The following PSD2 variants were observed in gnomAD, a reference collection of about 807,000 sequenced individuals.
The protein encoded by PSD2 is pleckstrin and Sec7 domain containing 2.
Under a neutral mutation model 69.8 loss-of-function variants are expected in PSD2, and 38 were observed. The observed-to-expected ratio is 0.54, with a 90% CI of 0.42 to 0.71. The LOEUF (loss-of-function observed/expected upper bound fraction) is 0.71. PSD2 is among the 30% of genes least tolerant of loss of function. The pLI, the probability that PSD2 is intolerant of heterozygous loss-of-function variation, is 0.00. For missense variants in PSD2, 943 were observed against 1,014.5 expected, an observed-to-expected ratio of 0.93 and a Z score of 0.96; for synonymous variants, 412 against 423.0, an observed-to-expected ratio of 0.97 and a Z score of 0.32.
chr5:139,833,928 C>T (rs1021201525), intron 8 of PSD2, 137 bp downstream of exon 8: 1 of 698,712 alleles, frequency 1.4e-6, no homozygotes, highest in Non-Finnish European at 2.6e-6. Flanking sequence ...AAGTTAGAAA[C>T]CACTGAGCTC....
At chr5:139,826,667 G>GT (rs1280502858) in intron 7 of PSD2, among the ~76,000 whole-genome samples, 4 of 152,162 alleles carry the variant, frequency 2.6e-5, no homozygotes, top group African/African-American at 4.8e-5. Flanking sequence ...CACAAAAAAC[G>GT]TAACACCCAC....
At chr5:139,767,141 C>T in the PSD2 span, among the ~76,000 whole-genome samples, 26 of 151,424 alleles carry the variant, frequency 1.7e-4, no homozygotes, top group African/African-American at 5.3e-4. Flanking sequence ...TACAGGCACC[C>T]GCCACCTTGC....
chr5:139,838,292 G>GCAGGAGGT (rs900555303), intron 12 of PSD2, among the ~76,000 whole-genome samples: 6 of 152,140 alleles, frequency 3.9e-5, no homozygotes, highest in Non-Finnish European at 8.8e-5. Context: ...GGGCAGGAGG[G>GCAGGAGGT]CTGTGGGGGT....
In PSD2 at chr5:139,844,142, A is replaced by G. The variant is rs1289324948; in HGVS notation, c.*1668A>G. On this transcript the variant is annotated 3_prime_UTR_variant, in exon 15 of 15. Coordinates refer to ENST00000274710, the MANE Select transcript of PSD2 (RefSeq NM_032289.4). ...ATTGAAAACGCCATGTGGCACCACA[A>G]AAGAGCTCTCTGTACTTTCCCCATG... 1 of 152,230 alleles carries G rather than the reference A, an allele frequency of 6.6e-6. No homozygotes were observed. The highest frequency in any genetic ancestry group is 1.5e-5 in the Non-Finnish European group (1 of 68,042). 9.4% of individuals were successfully genotyped at this position (152,230 alleles called of 1,614,324 possible).
At chr5:139,792,481 T>C (rs1759430911), upstream of PSD2, among the ~76,000 whole-genome samples, 1 of 151,464 alleles carries the variant, frequency 6.6e-6, no homozygotes, top group Non-Finnish European at 1.5e-5. Context: ...GGCCAGGCGG[T>C]AAACCATGGG....
chr5:139,766,917 CTTCCTTCCTTCCCTT>C, the PSD2 span, among the ~76,000 whole-genome samples: 1 of 29,706 alleles, frequency 3.4e-5, no homozygotes, highest in Non-Finnish European at 7.4e-5. Context: ...CCCTTCCTTC[CTTCCTTCCTTCCCTT>C]CTTTCTTTCT....
chr5:139,803,651 C>T (rs577181281), intron 1 of PSD2, among the ~76,000 whole-genome samples: 4 of 152,348 alleles, frequency 2.6e-5, no homozygotes, highest in East Asian at 3.9e-4. Flanking sequence ...CCCACTCTCC[C>T]GGACTGTCCC....
chr5:139,768,720 T>C, the PSD2 span, among the ~76,000 whole-genome samples: 1 of 137,458 alleles, frequency 7.3e-6, no homozygotes, highest in Non-Finnish European at 1.5e-5. Context: ...CAAAACTCCA[T>C]CTAAAAAAAA....
chr5:139,771,426 T>G, the PSD2 span, among the ~76,000 whole-genome samples: 1 of 152,108 alleles, frequency 6.6e-6, no homozygotes, highest in South Asian at 2.1e-4. Context: ...TCGCCCAGGC[T>G]GGAGTGCAGT....
chr5:139,807,803 C>G (rs1759850075), intron 1 of PSD2, among the ~76,000 whole-genome samples: 1 of 152,214 alleles, frequency 6.6e-6, no homozygotes. Context: ...TCCCCAGGCT[C>G]TTGTTCTCTA....
rs1331955140 is a variant in PSD2, at chr5:139,836,887, C to T, written c.1480C>T (p.Arg494Ter). ...CGGGACAGGCACGAAGAAGGTGACG[C>T]GAATCCTGGATGGTGGCAACCCCTT... is the stretch of plus-strand genomic sequence containing the variant. ...KFGTGTKKVT[R>*]ILDGGNPFLD... The change falls in exon 10 of 15, where the codon CGA becomes TGA. Residue 494 changes from arginine (R) to a stop codon, truncating the protein, a stop_gained. Transcript: ENST00000274710. LOFTEE classifies it high-confidence loss of function. The T allele has an allele frequency of 2.5e-6, 4 of 1,614,074 alleles. No homozygotes were observed. Among genetic ancestry groups the T allele is most frequent in the Non-Finnish European group, 3.4e-6 (4 of 1,180,034 alleles).
intron 7 of PSD2, among the ~76,000 whole-genome samples, chr5:139,830,788 G>T (rs1355708037): frequency 7.1e-6 from 1 of 141,094 alleles, no homozygotes; most frequent in East Asian, 2.0e-4. Flanking sequence ...CCAAAGTGCT[G>T]GGATTACAGG....
chr5:139,766,998 CTTCT>C, the PSD2 span, among the ~76,000 whole-genome samples: 4 of 82,734 alleles, frequency 4.8e-5, no homozygotes, highest in East Asian at 7.3e-4. Flanking sequence ...TCTTTCTTTC[CTTCT>C]TTCTTTCTTT....
At chr5:139,832,470 G>C (rs946681792) in intron 7 of PSD2, among the ~76,000 whole-genome samples, 1 of 152,228 alleles carries the variant, frequency 6.6e-6, no homozygotes, top group Non-Finnish European at 1.5e-5. Flanking sequence ...TGTGGTGTGT[G>C]AATGTCCCAC....
chr5:139,770,399 T>C, the PSD2 span, among the ~76,000 whole-genome samples: 1 of 151,848 alleles, frequency 6.6e-6, no homozygotes, highest in Non-Finnish European at 1.5e-5. Flanking sequence ...TCTACTAAAA[T>C]ACAAAAATTA....
upstream of PSD2, among the ~76,000 whole-genome samples, chr5:139,791,126 T>C (rs915303386): frequency 6.6e-6 from 1 of 152,060 alleles, no homozygotes; most frequent in Non-Finnish European, 1.5e-5. Flanking sequence ...AGAAGGTGGA[T>C]ACCTTGCTGT....
At chr5:139,755,122 C>T in the PSD2 span, among the ~76,000 whole-genome samples, 1 of 152,148 alleles carries the variant, frequency 6.6e-6, no homozygotes, top group Non-Finnish European at 1.5e-5. Context: ...AAGCCATCTG[C>T]CCCAGCCTCA....
At position 139,842,394 on chromosome 5, in the gene PSD2, A is replaced by C. The variant is rs777841242; in HGVS notation, c.2236A>C (p.Thr746Pro). ...LEGDDPSLRKTHSSPALSQGH... is the reference protein window; with the variant it reads ...LEGDDPSLRKPHSSPALSQGH... Reference sequence around the variant, plus strand: ...AGGGGATGACCCTTCTCTCCGGAAGACACATTCAAGCCCTGCCCTCAGCCA... The same window carrying C: ...AGGGGATGACCCTTCTCTCCGGAAGCCACATTCAAGCCCTGCCCTCAGCCA... Residue 746 changes from threonine to proline, a missense_variant, in exon 15 of 15, where the codon ACA becomes CCA. Physicochemically the swap from Thr to Pro is conservative, Grantham distance 38 (BLOSUM62 -1). Transcript: ENST00000274710. 6.2e-7 allele frequency: 1 copy of C among 1,614,200 alleles called. No homozygotes were observed. Among genetic ancestry groups the C allele is most frequent in the Admixed American group, 1.7e-5 (1 of 60,026 alleles).
chr5:139,813,710 A>T lies in PSD2; in HGVS notation c.773A>T (p.Asp258Val). 3 of 1,612,096 alleles carry T rather than the reference A, an allele frequency of 1.9e-6. No individual in the cohort carries two copies. The highest frequency in any genetic ancestry group is 2.5e-6 in the Non-Finnish European group (3 of 1,179,232). ...HEDGPQGPGGDEDDDEEDTDK... is the reference protein window; with the variant it reads ...HEDGPQGPGGVEDDDEEDTDK... ...GATGGCCCTCAGGGCCCAGGGGGGG[A>T]TGAGGATGATGATGAGGAGGACACG... is the stretch of plus-strand genomic sequence containing the variant. The change falls in exon 3 of 15, where the codon GAT (aspartate) becomes GTT (valine). Residue 258 changes from aspartate to valine, a missense_variant. Transcript: ENST00000274710.
Sources: allele counts gnomAD v4.1 joint callset (sites outside exome capture counted in the v4.1 genomes callset), GRCh38; gene constraint gnomAD v4.1.1; transcripts MANE v1.5; gene names NCBI Gene and HGNC (gene_info 2026-07-23, HGNC 2026-07-21).